OTC: variants seen among roughly 807,000 people sequenced by gnomAD.
OTC encodes ornithine transcarbamylase, also known as ornithine transcarbamylase, mitochondrial.
Under a neutral mutation model 30.3 loss-of-function variants are expected in OTC, and 3 were observed. The ratio of observed to expected loss-of-function variants is 0.10; its 90% CI spans 0.05 to 0.26. OTC has a LOEUF of 0.26. Ranked by LOEUF, OTC falls within the 10% of genes least tolerant of loss-of-function variation. The pLI is 1.00. For synonymous variants in OTC, 111 were observed against 99.7 expected, an observed-to-expected ratio of 1.11 and a Z score of -0.67; for missense variants, 194 against 260.3, an observed-to-expected ratio of 0.75 and a Z score of 1.75.
chrX:38,367,770 T>C (rs1027828808), intron 2 of OTC, among the ~76,000 whole-genome samples: 15 of 110,485 alleles, frequency 1.4e-4, no homozygotes, highest in South Asian at 4.0e-4. Context: ...CAGGCTGGAG[T>C]GCATTGGCGT....
At chrX:38,402,329 A>G (rs2068493735) in intron 5 of OTC, among the ~76,000 whole-genome samples, 1 of 111,840 alleles carries the variant, frequency 8.9e-6, no homozygotes, top group Non-Finnish European at 1.9e-5. Flanking sequence ...ATTGAGGGAA[A>G]ATGAGCTGTC....
At chrX:38,350,517 A>G (rs1483133343), upstream of OTC, among the ~76,000 whole-genome samples, 1 of 111,590 alleles carries the variant, frequency 9.0e-6, no homozygotes, top group African/African-American at 3.3e-5. Context: ...AGTAAAACAG[A>G]CTCCACATGT....
chrX:38,422,085 GT>G (rs753920343), downstream of OTC, among the ~76,000 whole-genome samples: 54 of 111,826 alleles, frequency 4.8e-4, no homozygotes, highest in Non-Finnish European at 8.5e-4. Context: ...CATAAGTGAA[GT>G]TTTTTTAAAA....
chrX:38,402,869 C>T (rs2068496209), intron 5 of OTC, among the ~76,000 whole-genome samples: 2 of 111,052 alleles, frequency 1.8e-5, no homozygotes, highest in South Asian at 7.8e-4. Context: ...GACTGGAGTG[C>T]AGTGGCATGA....
At chrX:38,367,046 C>T (rs944188717) in intron 1 of OTC, among the ~76,000 whole-genome samples, 4 of 110,221 alleles carry the variant, frequency 3.6e-5, no homozygotes, top group African/African-American at 1.3e-4. Context: ...GGCTTGGTGG[C>T]ATGTGCTTGT....
At chrX:38,401,979 A>C (rs2068491642) in intron 5 of OTC, among the ~76,000 whole-genome samples, 1 of 111,994 alleles carries the variant, frequency 8.9e-6, no homozygotes, top group East Asian at 2.8e-4. Context: ...AACTTGAATA[A>C]CTTTGAAAGA....
chrX:38,367,772 C>T (rs888007332), intron 2 of OTC, among the ~76,000 whole-genome samples: 6 of 110,371 alleles, frequency 5.4e-5, no homozygotes, highest in African/African-American at 2.0e-4. Flanking sequence ...GGCTGGAGTG[C>T]ATTGGCGTGA....
intron 5 of OTC, 103 bp downstream of exon 5, chrX:38,401,531 C>T: frequency 4.7e-6 from 3 of 642,638 alleles, no homozygotes; most frequent in South Asian, 2.4e-5. Context: ...GTTTTATTTT[C>T]AAATACCAGC....
chrX:38,389,408 A>T (rs2068420208), intron 4 of OTC, among the ~76,000 whole-genome samples: 1 of 110,876 alleles, frequency 9.0e-6, no homozygotes, highest in African/African-American at 3.3e-5. Flanking sequence ...TTTATAAAAA[A>T]AAAAGCTGGA....
chrX:38,350,498 A>T (rs1409725355), upstream of OTC, among the ~76,000 whole-genome samples: 1 of 111,953 alleles, frequency 8.9e-6, no homozygotes, highest in African/African-American at 3.3e-5. Context: ...TGAACATCAA[A>T]GCCTGTAAAG....
intron 4 of OTC, among the ~76,000 whole-genome samples, chrX:38,399,769 C>G (rs1322694675): frequency 1.8e-5 from 2 of 111,325 alleles, no homozygotes; most frequent in African/African-American, 6.5e-5. Context: ...CAAACATTCT[C>G]CAAGTGACTT....
intron 4 of OTC, among the ~76,000 whole-genome samples, chrX:38,384,641 G>A (rs2068392937): frequency 8.9e-6 from 1 of 111,774 alleles, no homozygotes; most frequent in Non-Finnish European, 1.9e-5. Flanking sequence ...AAATGACATT[G>A]CTGGCCCTTT....
intron 4 of OTC, 34 bp from the exon 5 acceptor site, chrX:38,401,241 T>C: frequency 9.1e-7 from 1 of 1,098,274 alleles, no homozygotes; most frequent in Non-Finnish European, 1.3e-6. Flanking sequence ...TAAGCATAAT[T>C]ATCTTAGATT....
intron 9 of OTC, among the ~76,000 whole-genome samples, chrX:38,418,145 C>T (rs1432820243): frequency 9.0e-6 from 1 of 111,520 alleles, no homozygotes; most frequent in Non-Finnish European, 1.9e-5. Flanking sequence ...TTCCTGTCAA[C>T]ACTTATCTTT....
intron 4 of OTC, among the ~76,000 whole-genome samples, chrX:38,386,868 C>G (rs2068406338): frequency 8.9e-6 from 1 of 112,378 alleles, no homozygotes; most frequent in African/African-American, 3.2e-5. Flanking sequence ...TTTCAAGGAA[C>G]TTCCACACTG....
the OTC span, among the ~76,000 whole-genome samples, chrX:38,334,418 C>A: frequency 1.8e-5 from 2 of 111,396 alleles, no homozygotes; most frequent in Non-Finnish European, 3.8e-5. Context: ...CATTTATAAT[C>A]AACCAAAAGC....
At chrX:38,366,613 CACA>C (rs2068297462) in intron 1 of OTC, among the ~76,000 whole-genome samples, 1 of 111,799 alleles carries the variant, frequency 8.9e-6, no homozygotes, top group Non-Finnish European at 1.9e-5. Flanking sequence ...ATTTTATGCT[CACA>C]ACAACTCTAT....
chrX:38,356,050 CAAAAAAAAAA>C (rs138806207), intron 1 of OTC, among the ~76,000 whole-genome samples: 1 of 52,666 alleles, frequency 1.9e-5, no homozygotes, highest in Non-Finnish European at 3.4e-5. Context: ...GACTCTGTCT[CAAAAAAAAAA>C]AAAAAAAAAA....
chrX:38,354,432 GAACTTA>G (rs72047809), intron 1 of OTC, among the ~76,000 whole-genome samples: 16,268 of 111,242 alleles, frequency 0.15, 1,237 homozygotes, highest in Middle Eastern at 0.26. Context: ...TCAAAGCCTG[GAACTTA>G]AACTTATACT....
Sources: gnomAD v4.1 joint callset for allele counts (sites outside exome capture counted in the v4.1 genomes callset) on GRCh38, gnomAD v4.1.1 for gene constraint, MANE v1.5 for transcripts, NCBI Gene and HGNC (gene_info 2026-07-23, HGNC 2026-07-21) for gene names.